PCDHA6: variants seen among roughly 807,000 people sequenced by gnomAD.
PCDHA6 encodes protocadherin alpha-6.
In PCDHA6, 55 loss-of-function variants were observed where a neutral mutation model predicts 60.3. That is an observed-to-expected ratio of 0.91 (90% CI 0.73 to 1.14). The LOEUF is 1.14. Ranked by LOEUF, PCDHA6 falls within the 50% of genes most tolerant of loss-of-function variation. The pLI is 0.00. For synonymous variants in PCDHA6, 652 were observed against 557.9 expected, an observed-to-expected ratio of 1.17 and a Z score of -2.38; for missense variants, 1,327 against 1,256.5, an observed-to-expected ratio of 1.06 and a Z score of -0.85.
chr5:140,915,453 A>G (rs963973003), intron 1 of PCDHA6, among the ~76,000 whole-genome samples: 13 of 152,232 alleles, frequency 8.5e-5, no homozygotes, highest in African/African-American at 2.9e-4. Context: ...AAGGTTTTCC[A>G]GAAGGTTTTT....
rs1325743256 is a variant in PCDHA6 at position 140,849,105 on chromosome 5, G to T, written c.2394+18620G>T. 6 of 1,455,392 alleles carry T rather than the reference G, an allele frequency of 4.1e-6. No individual in the cohort carries two copies. The East Asian group carries it at 1.4e-4, about 34-fold the overall frequency. 90.2% of individuals were successfully genotyped at this position (1,455,392 alleles called of 1,614,324 possible). ...ATTACGGAAACTTTTAGACAGAGAA[G>T]AAACTCCGGAGCTTCATTTATTGCT... On this transcript the variant is annotated intron_variant, in intron 1 of 3. Coordinates refer to ENST00000529310, the MANE Select transcript of PCDHA6 (RefSeq NM_018909.4).
At chr5:140,891,371 T>C (rs1483919316) in intron 1 of PCDHA6, among the ~76,000 whole-genome samples, 1 of 152,146 alleles carries the variant, frequency 6.6e-6, no homozygotes, top group Non-Finnish European at 1.5e-5. Flanking sequence ...CAGTATACAT[T>C]GCACCATATT....
chr5:140,963,233 G>C (rs151988), intron 1 of PCDHA6, among the ~76,000 whole-genome samples: 50,230 of 151,972 alleles, frequency 0.33, 8,535 homozygotes, highest in East Asian at 0.53. Context: ...GACACTGTTT[G>C]ATGGATTAGG....
At chr5:140,875,606 T>C in intron 1 of PCDHA6, 4 of 1,613,864 alleles carry the variant, frequency 2.5e-6, no homozygotes, top group Middle Eastern at 3.4e-4. Flanking sequence ...GGCACCTTCG[T>C]GGGCCGCATC....
At chr5:140,846,374 T>TTC (rs1554141279) in intron 1 of PCDHA6, among the ~76,000 whole-genome samples, 10 of 30,854 alleles carry the variant, frequency 3.2e-4, no homozygotes, top group African/African-American at 1.1e-3. Context: ...TCTTTCTTTC[T>TTC]TTTTTTTTTT....
intron 1 of PCDHA6, among the ~76,000 whole-genome samples, chr5:140,948,865 C>A (rs1358865868): frequency 1.3e-5 from 2 of 151,324 alleles, no homozygotes; most frequent in Non-Finnish European, 3.0e-5. Context: ...TATATTACTT[C>A]GGGTTTACTT....
chr5:140,914,262 G>A (rs1583899691), intron 1 of PCDHA6, among the ~76,000 whole-genome samples: 1 of 152,008 alleles, frequency 6.6e-6, no homozygotes, highest in Non-Finnish European at 1.5e-5. Flanking sequence ...CTTCAATGGT[G>A]GGTGCATATA....
At chr5:140,926,196 T>C (rs1175807987) in intron 1 of PCDHA6, among the ~76,000 whole-genome samples, 1 of 151,596 alleles carries the variant, frequency 6.6e-6, no homozygotes, top group Non-Finnish European at 1.5e-5. Context: ...CAGCACTTCT[T>C]TCGGGGGGCT....
chr5:140,828,150 T>C lies in PCDHA6; in HGVS notation c.59T>C (p.Leu20Pro). The C allele has an allele frequency of 6.2e-7, 1 of 1,614,088 alleles. No homozygotes were observed. Among genetic ancestry groups the C allele is most frequent in the Non-Finnish European group, 8.5e-7 (1 of 1,179,990 alleles). Residue 20 changes from leucine (L) to proline (P), a missense_variant, in exon 1 of 4, where the codon CTC (leucine) becomes CCC (proline). By Grantham distance (98) the Leu-to-Pro change is moderately conservative. Transcript: ENST00000529310. ...GKQCLLLPLL[L>P]LAAWKVGSGQ... ...CAATGTCTGCTCCTCCCGCTTCTGC[T>C]CCTCGCAGCCTGGAAGGTGGGGAGC...
chr5:140,912,241 T>C (rs939016891), intron 1 of PCDHA6, among the ~76,000 whole-genome samples: 1 of 152,164 alleles, frequency 6.6e-6, no homozygotes, highest in African/African-American at 2.4e-5. Flanking sequence ...GACTCAAATG[T>C]TAATCTCCTT....
At chr5:140,882,092 A>C (rs59479) in intron 1 of PCDHA6, 748,334 of 1,137,016 alleles carry the variant, frequency 0.66, 247,467 homozygotes, top group African/African-American at 0.7. Flanking sequence ...CTTCACTGAG[A>C]ACGTTTCCGC....
intron 1 of PCDHA6, among the ~76,000 whole-genome samples, chr5:140,894,790 T>C (rs943284227): frequency 6.6e-6 from 1 of 152,164 alleles, no homozygotes. Flanking sequence ...ATTTGTCCTC[T>C]CCTTTAAAAA....
At chr5:140,913,212 T>G (rs113766408) in intron 1 of PCDHA6, among the ~76,000 whole-genome samples, 11,533 of 152,278 alleles carry the variant, frequency 0.076, 607 homozygotes, top group Non-Finnish European at 0.12. Flanking sequence ...AGCCAATGGG[T>G]CCCAGGCTTT....
At chr5:140,997,910 A>T (rs2097790102) in intron 3 of PCDHA6, among the ~76,000 whole-genome samples, 2 of 152,234 alleles carry the variant, frequency 1.3e-5, no homozygotes. Flanking sequence ...AAGTAGAATT[A>T]CAGAATCATA....
chr5:140,851,092 A>G (rs371116217), intron 1 of PCDHA6: 2 of 1,292,902 alleles, frequency 1.5e-6, no homozygotes, highest in East Asian at 5.4e-5. Context: ...TATTAAATAG[A>G]TATTTTTTGG....
chr5:140,864,629 A>G (rs2048549336), intron 1 of PCDHA6: 1 of 152,244 alleles, frequency 6.6e-6, no homozygotes, highest in Non-Finnish European at 1.5e-5. Context: ...TAAAAAGAAA[A>G]CAAAACAAAA....
intron 1 of PCDHA6, chr5:140,968,172 T>C (rs2096226402): frequency 6.2e-7 from 1 of 1,614,110 alleles, no homozygotes; most frequent in Non-Finnish European, 8.5e-7. Flanking sequence ...CCACCAAGCT[T>C]CCTGGAGGAC....
At chr5:140,967,252 G>A (rs199714982) in intron 1 of PCDHA6, 1 of 1,613,504 alleles carries the variant, frequency 6.2e-7, no homozygotes, top group Non-Finnish European at 8.5e-7. Flanking sequence ...AATCGGTGGC[G>A]CCTGGAGCGC....
At chr5:140,871,700 A>G in intron 1 of PCDHA6, 1 of 896,726 alleles carries the variant, frequency 1.1e-6, no homozygotes, top group Non-Finnish European at 1.6e-6. Flanking sequence ...TTCTTTAACC[A>G]ATAAATGTCC....
Sources: gnomAD v4.1 joint callset for allele counts (sites outside exome capture counted in the v4.1 genomes callset) on GRCh38, gnomAD v4.1.1 for gene constraint, MANE v1.5 for transcripts, NCBI Gene and HGNC (gene_info 2026-07-23, HGNC 2026-07-21) for gene names.